PTPRD: variants seen among roughly 807,000 people sequenced by gnomAD.
The protein encoded by PTPRD is protein tyrosine phosphatase receptor type D, also known as receptor-type tyrosine-protein phosphatase delta.
In PTPRD, 34 loss-of-function variants were observed where a neutral mutation model predicts 214.5. The observed-to-expected ratio is 0.16, with a 90% confidence interval of 0.12 to 0.21. PTPRD has a LOEUF of 0.21. PTPRD is among the 10% of genes least tolerant of loss of function. The probability of loss-of-function intolerance (pLI) is 1.00; values close to 1 mark genes in which losing one functional copy is unlikely to be tolerated. For missense variants in PTPRD, 2,545 were observed against 2,398.7 expected (o/e 1.06, Z -1.27); for synonymous variants, 1,128 against 845.7 (o/e 1.33, Z -5.79).
chr9:9,198,579 G>A (rs2099940027), intron 9 of PTPRD, among the ~76,000 whole-genome samples: 2 of 151,646 alleles, frequency 1.3e-5, no homozygotes, highest in South Asian at 4.2e-4. Flanking sequence ...ATATTTTTTA[G>A]TGACTTGGTT....
At chr9:10,500,134 T>C (rs1214798747) in intron 2 of PTPRD, among the ~76,000 whole-genome samples, 3 of 151,920 alleles carry the variant, frequency 2.0e-5, no homozygotes, top group Non-Finnish European at 4.4e-5. Context: ...GCTTCAATAA[T>C]ACATTTATTT....
rs187796842 is a variant in PTPRD at position 8,921,524 on chromosome 9, C to T, written c.-104+97173G>A. Among the ~76,000 whole-genome samples, 100 of 151,806 alleles carry T rather than the reference C, an allele frequency of 6.6e-4. No homozygotes were observed. The Middle Eastern group carries it at 0.017, about 26-fold the overall frequency. On this transcript the variant is annotated intron_variant, in intron 11 of 45. Transcript: ENST00000381196. Reference sequence around the variant, plus strand: ...TTTTTTCTTTTTTGAGACAGAGTCTCACTCTGTCGCCCAGGCTGGAGTGCT... The same window carrying T: ...TTTTTTCTTTTTTGAGACAGAGTCTTACTCTGTCGCCCAGGCTGGAGTGCT...
In PTPRD at chr9:8,327,811, G is replaced by A. The variant is rs145323325; in HGVS notation, c.5534+3771C>T. 1.4e-4 allele frequency among the ~76,000 whole-genome samples: 22 copies of A among 152,118 alleles called. No individual in the cohort carries two copies. In the East Asian group the frequency reaches 3.9e-3, roughly 27 times the overall value. On this transcript the variant is annotated intron_variant, in intron 44 of 45. Coordinates refer to ENST00000381196, the MANE Select transcript of PTPRD (RefSeq NM_002839.4). ...GCCCTTCTTTGTTGGTTTAAAGTCC[G>A]TTTTATCAGAGACTAGGATTGTATC...
intron 11 of PTPRD, among the ~76,000 whole-genome samples, chr9:8,828,536 T>C (rs2097218844): frequency 6.6e-6 from 1 of 152,138 alleles, no homozygotes; most frequent in Admixed American, 6.6e-5. Context: ...CCACCCTATC[T>C]AGGATATTTT....
At chr9:8,440,541 C>G (rs2095513521) in intron 34 of PTPRD, among the ~76,000 whole-genome samples, 1 of 152,154 alleles carries the variant, frequency 6.6e-6, no homozygotes, top group Admixed American at 6.5e-5. Flanking sequence ...TCTCAAACTC[C>G]TGACCTCATG....
chr9:9,277,858 G>A (rs1488013136), intron 9 of PTPRD, among the ~76,000 whole-genome samples: 1 of 151,282 alleles, frequency 6.6e-6, no homozygotes, highest in African/African-American at 2.4e-5. Flanking sequence ...AGAAAATTGT[G>A]TTTCTTAAGA....
chr9:9,096,954 C>T (rs1412898006), intron 10 of PTPRD, among the ~76,000 whole-genome samples: 2 of 152,134 alleles, frequency 1.3e-5, no homozygotes, highest in African/African-American at 4.8e-5. Flanking sequence ...TCCCCTACCC[C>T]CTAAGTTTTG....
intron 3 of PTPRD, among the ~76,000 whole-genome samples, chr9:10,214,557 C>T (rs964947982): frequency 2.0e-5 from 3 of 151,574 alleles, no homozygotes; most frequent in East Asian, 1.9e-4. Flanking sequence ...AATACACACC[C>T]GAGCTATTGC....
chr9:10,103,917 G>A (rs369031625), intron 3 of PTPRD, among the ~76,000 whole-genome samples: 14 of 151,740 alleles, frequency 9.2e-5, no homozygotes, highest in African/African-American at 3.1e-4. Flanking sequence ...AGTGTCTATC[G>A]ATGGATGAAT....
intron 2 of PTPRD, among the ~76,000 whole-genome samples, chr9:10,379,256 G>A (rs549312995): frequency 4.6e-5 from 7 of 151,300 alleles, no homozygotes; most frequent in African/African-American, 1.5e-4. Flanking sequence ...TTTTGTGTGT[G>A]TGTGTGTGTG....
intron 2 of PTPRD, among the ~76,000 whole-genome samples, chr9:10,452,614 T>C (rs2098849298): frequency 6.6e-6 from 1 of 151,894 alleles, no homozygotes; most frequent in Admixed American, 6.6e-5. Context: ...AGTGGCCATT[T>C]GTATGTCTTC....
At chr9:8,345,895 A>G (rs1467538270) in intron 39 of PTPRD, among the ~76,000 whole-genome samples, 2 of 152,000 alleles carry the variant, frequency 1.3e-5, no homozygotes, top group African/African-American at 4.8e-5. Context: ...CACGGATTAC[A>G]TATCTCTGCC....
chr9:9,348,820 G>C (rs920540468), intron 9 of PTPRD, among the ~76,000 whole-genome samples: 1 of 152,044 alleles, frequency 6.6e-6, no homozygotes, highest in African/African-American at 2.4e-5. Context: ...ACCTCCACTT[G>C]TCCTAATTAG....
chr9:9,758,894 T>G (rs2098619683), intron 6 of PTPRD, among the ~76,000 whole-genome samples: 1 of 151,996 alleles, frequency 6.6e-6, no homozygotes, highest in African/African-American at 2.4e-5. Flanking sequence ...ATAATAAAAA[T>G]AAGACACTTT....
intron 9 of PTPRD, among the ~76,000 whole-genome samples, chr9:9,214,532 A>C (rs1252315773): frequency 6.6e-6 from 1 of 151,384 alleles, no homozygotes; most frequent in Non-Finnish European, 1.5e-5. Flanking sequence ...TGGGAGAGGG[A>C]AAGCTGATCA....
chr9:8,654,575 T>C (rs755509958), intron 12 of PTPRD, among the ~76,000 whole-genome samples: 2 of 152,174 alleles, frequency 1.3e-5, no homozygotes, highest in Non-Finnish European at 2.9e-5. Flanking sequence ...ATATAATCAT[T>C]ATATATACAT....
intron 12 of PTPRD, among the ~76,000 whole-genome samples, chr9:8,639,794 T>C (rs1259564887): frequency 6.6e-6 from 1 of 152,168 alleles, no homozygotes; most frequent in East Asian, 1.9e-4. Context: ...CAAGTCAAAT[T>C]AAACATAGAA....
chr9:9,907,638 G>C (rs2077979445), intron 5 of PTPRD, among the ~76,000 whole-genome samples: 1 of 151,824 alleles, frequency 6.6e-6, no homozygotes, highest in South Asian at 2.1e-4. Flanking sequence ...AAGTCACATT[G>C]GGGATTAGGG....
intron 7 of PTPRD, among the ~76,000 whole-genome samples, chr9:9,589,072 A>T (rs576879172): frequency 1.3e-5 from 2 of 152,074 alleles, no homozygotes; most frequent in East Asian, 3.9e-4. Context: ...ATTTGAAGCA[A>T]TTCATGCCAT....
Sources: allele counts gnomAD v4.1 joint callset (sites outside exome capture counted in the v4.1 genomes callset), GRCh38; gene constraint gnomAD v4.1.1; transcripts MANE v1.5; gene names NCBI Gene and HGNC (gene_info 2026-07-23, HGNC 2026-07-21).